The following GRIN2A variants were observed in gnomAD, a reference collection of about 807,000 sequenced individuals.
GRIN2A encodes glutamate receptor ionotropic, NMDA 2A.
Under a neutral mutation model 113.4 loss-of-function variants are expected in GRIN2A, and 22 were observed. The observed-to-expected ratio is 0.19, with a 90% CI of 0.14 to 0.28. GRIN2A has a LOEUF of 0.28. Ranked by LOEUF, GRIN2A falls within the 10% of genes least tolerant of loss-of-function variation. GRIN2A has a pLI of 1.00. For synonymous variants in GRIN2A, 827 were observed against 738.4 expected (o/e 1.12, Z -1.94); for missense variants, 1,502 against 1,887.0 (o/e 0.80, Z 3.78).
chr16:10,027,824 C>G (rs2046851934), intron 2 of GRIN2A: 1 of 152,852 alleles, frequency 6.5e-6, no homozygotes, highest in African/African-American at 2.4e-5. Flanking sequence ...AGTGCTTCCT[C>G]TGCCCTGCGT....
At chr16:10,146,714 G>A (rs113222181) in intron 2 of GRIN2A, among the ~76,000 whole-genome samples, 2 of 152,022 alleles carry the variant, frequency 1.3e-5, no homozygotes, top group Non-Finnish European at 2.9e-5. Context: ...GTGGCTCCTG[G>A]AGCGTCTGTA....
At chr16:9,970,010 A>G (rs1436472987) in intron 2 of GRIN2A, among the ~76,000 whole-genome samples, 1 of 152,212 alleles carries the variant, frequency 6.6e-6, no homozygotes, top group Non-Finnish European at 1.5e-5. Context: ...CTCCGTGTGA[A>G]TCTTATACAC....
At chr16:9,980,326 G>C (rs533331759) in intron 2 of GRIN2A, among the ~76,000 whole-genome samples, 1 of 151,762 alleles carries the variant, frequency 6.6e-6, no homozygotes, top group African/African-American at 2.4e-5. Flanking sequence ...TCATTAAAAA[G>C]TCAGGAAACA....
intron 2 of GRIN2A, among the ~76,000 whole-genome samples, chr16:10,096,580 C>T (rs2048296746): frequency 2.8e-5 from 2 of 70,718 alleles, no homozygotes; most frequent in South Asian, 9.0e-4. Context: ...ACACTTTACT[C>T]TCTTGGCCGG....
At chr16:9,974,871 A>G (rs551545247) in intron 2 of GRIN2A, among the ~76,000 whole-genome samples, 1 of 152,186 alleles carries the variant, frequency 6.6e-6, no homozygotes, top group African/African-American at 2.4e-5. Context: ...GACTTCCAGT[A>G]CTATGCTGAA....
At position 9,827,306 on chromosome 16, in the gene GRIN2A, C is replaced by T. The variant is rs531521717; in HGVS notation, c.2007+2117G>A. ...TATCTGCTGCCTCTGAGATACCACC[C>T]GCTTTAGGCGGGGATCTTACAGTAG... On this transcript the variant is annotated intron_variant, in intron 9 of 12. Coordinates refer to ENST00000330684, the MANE Select transcript of GRIN2A (RefSeq NM_001134407.3). Among the ~76,000 whole-genome samples, 182 of 152,338 alleles carry T rather than the reference C, an allele frequency of 1.2e-3. 2 individuals are homozygous for T. Among genetic ancestry groups the T allele is most frequent in the African/African-American group, 4.4e-3 (181 of 41,582 alleles).
chr16:9,908,179 C>G lies in GRIN2A; in HGVS notation c.1008-17079G>C, dbSNP rs28384240. The stretch of plus-strand genomic sequence containing the variant: ...ACATTAGCAGTAATAATGTTTCACA[C>G]CCGGACATGGATTTCTGGTGTGGAA... On this transcript the variant is annotated intron_variant, in intron 3 of 12. Transcript: ENST00000330684. Among the ~76,000 whole-genome samples the G allele has an allele frequency of 9.6e-3, 1,457 of 152,218 alleles. 23 individuals carry two copies. The highest frequency in any genetic ancestry group is 0.033 in the African/African-American group (1,364 of 41,522).
intron 2 of GRIN2A, among the ~76,000 whole-genome samples, chr16:10,006,366 A>G (rs570789517): frequency 1.3e-5 from 2 of 152,366 alleles, no homozygotes; most frequent in Admixed American, 1.3e-4. Context: ...GTGCAAGACA[A>G]AATGGGCCAT....
rs1900525112 is a variant in GRIN2A at position 9,760,329 on chromosome 16, A to C, written c.*2820T>G. ...AACTGACTTAGATGACCTTTGAATA[A>C]CTCTACATCTTTTCCTTAGAAATTG... On this transcript the variant is annotated 3_prime_UTR_variant, in exon 13 of 13. Transcript: ENST00000330684. The C allele has an allele frequency of 4.6e-6, 1 of 217,800 alleles. No homozygotes were observed. The highest frequency in any genetic ancestry group is 1.9e-4 in the South Asian group (1 of 5,220). The allele number at this position is 217,800 out of a possible 1,614,324, so 13.5% of individuals were successfully genotyped here.
At chr16:10,039,254 A>C (rs1000987161) in intron 2 of GRIN2A, among the ~76,000 whole-genome samples, 1 of 152,152 alleles carries the variant, frequency 6.6e-6, no homozygotes, top group Non-Finnish European at 1.5e-5. Flanking sequence ...GTTTGGCTGC[A>C]TCTAGCGTGT....
In GRIN2A at chr16:9,797,128, A is replaced by G. The variant is rs201392348; in HGVS notation, c.2356+1149T>C. Among the ~76,000 whole-genome samples, 27 of 152,362 alleles carry G rather than the reference A, an allele frequency of 1.8e-4. No homozygotes were observed. In the East Asian group the frequency reaches 3.3e-3, roughly 18 times the overall value. On this transcript the variant is annotated intron_variant, in intron 11 of 12. Transcript: ENST00000330684. ...CTAGCTAACCTCTGCCTATTTTGATATTGCATTTCACTGTAGTGGTAACTA... is the reference window on the plus strand; with the variant it reads ...CTAGCTAACCTCTGCCTATTTTGATGTTGCATTTCACTGTAGTGGTAACTA...
chr16:10,125,830 G>A (rs1367653871), intron 2 of GRIN2A, among the ~76,000 whole-genome samples: 2 of 151,976 alleles, frequency 1.3e-5, no homozygotes, highest in African/African-American at 2.4e-5. Context: ...AAGGCTGGGT[G>A]GGAGGATGCT....
intron 2 of GRIN2A, among the ~76,000 whole-genome samples, chr16:10,116,547 T>C (rs1218352835): frequency 6.6e-6 from 1 of 152,174 alleles, no homozygotes; most frequent in Non-Finnish European, 1.5e-5. Flanking sequence ...TTCAGTTAAG[T>C]TTTACTTTAG....
Position 9,917,159 on chromosome 16 carries a change from T to C in GRIN2A, c.1007+20800A>G, listed in dbSNP as rs114628367. Among the ~76,000 whole-genome samples the C allele has an allele frequency of 5.7e-3, 865 of 152,346 alleles. 12 individuals carry two copies. Among genetic ancestry groups the C allele is most frequent in the African/African-American group, 0.019 (802 of 41,568 alleles). On this transcript the variant is annotated intron_variant, in intron 3 of 12. Coordinates refer to ENST00000330684, the MANE Select transcript of GRIN2A (RefSeq NM_001134407.3). Reference sequence around the variant, plus strand: ...CACCCTTCAGCTTTCAGTAGAAACATCACTTCTGCAAAGAGGCAAGAGGTG... The same window carrying C: ...CACCCTTCAGCTTTCAGTAGAAACACCACTTCTGCAAAGAGGCAAGAGGTG...
intron 8 of GRIN2A, among the ~76,000 whole-genome samples, chr16:9,832,695 G>C (rs934088499): frequency 2.0e-5 from 3 of 152,174 alleles, no homozygotes; most frequent in African/African-American, 7.2e-5. Context: ...AGGAACTACT[G>C]TATCACAGTG....
At chr16:10,018,223 T>C (rs1400701896) in intron 2 of GRIN2A, among the ~76,000 whole-genome samples, 2 of 152,166 alleles carry the variant, frequency 1.3e-5, no homozygotes, top group Non-Finnish European at 2.9e-5. Flanking sequence ...ACGTGGGCCA[T>C]TTCAAATAGA....
chr16:10,165,989 C>T (rs911196842), intron 2 of GRIN2A, among the ~76,000 whole-genome samples: 4 of 152,194 alleles, frequency 2.6e-5, no homozygotes, highest in Non-Finnish European at 5.9e-5. Context: ...ACCAGAACTA[C>T]AGCAAGCCTG....
Position 10,043,990 on chromosome 16 carries a change from C to A in GRIN2A, c.415-105439G>T, listed in dbSNP as rs138348677. 5.6e-5 allele frequency among the ~76,000 whole-genome samples: 6 copies of A among 107,602 alleles called. No individual in the cohort carries two copies. In the East Asian group the frequency reaches 1.4e-3, roughly 25 times the overall value. 70.6% of individuals were successfully genotyped at this position (107,602 alleles called of 152,430 possible). On this transcript the variant is annotated intron_variant, in intron 2 of 12. Coordinates refer to ENST00000330684, the MANE Select transcript of GRIN2A (RefSeq NM_001134407.3). ...ACACACACATATATATATACACATA[C>A]GTGTGTGTGTGTGTGTGTATATATA... is the stretch of plus-strand genomic sequence containing the variant.
At chr16:10,004,388 CA>C (rs890517757) in intron 2 of GRIN2A, among the ~76,000 whole-genome samples, 183 of 136,632 alleles carry the variant, frequency 1.3e-3, no homozygotes, top group Middle Eastern at 3.7e-3. Context: ...GACTCCATCT[CA>C]AAAAAAAAAA....
Sources: allele counts gnomAD v4.1 joint callset (sites outside exome capture counted in the v4.1 genomes callset), GRCh38; gene constraint gnomAD v4.1.1; transcripts MANE v1.5; gene names NCBI Gene and HGNC (gene_info 2026-07-23, HGNC 2026-07-21).